The following SOX5 variants were observed in gnomAD, a reference collection of about 807,000 sequenced individuals.
The protein encoded by SOX5 is transcription factor SOX-5.
Under a neutral mutation model 92.0 loss-of-function variants are expected in SOX5, and 9 were observed. The observed-to-expected ratio is 0.10, with a 90% confidence interval of 0.06 to 0.17. The LOEUF (loss-of-function observed/expected upper bound fraction) is 0.17, where lower values mean the gene tolerates loss of function less well. Ranked by LOEUF, SOX5 falls within the 10% of genes least tolerant of loss-of-function variation. The pLI is 1.00. For missense variants in SOX5, 642 were observed against 944.5 expected, an observed-to-expected ratio of 0.68 and a Z score of 4.20; for synonymous variants, 344 against 336.3, an observed-to-expected ratio of 1.02 and a Z score of -0.25.
In SOX5 at chr12:23,987,522, G is replaced by A. The variant is rs141249489; in HGVS notation, c.-1-91498C>T. Among the ~76,000 whole-genome samples, 1,254 of 152,338 alleles carry A rather than the reference G, an allele frequency of 8.2e-3. 7 individuals are homozygous for A. The highest frequency in any genetic ancestry group is 0.012 in the Non-Finnish European group (818 of 68,034). On this transcript the variant is annotated intron_variant, in intron 4 of 4. Coordinates refer to the SOX5 transcript ENST00000446891. ...ACTCCATCATGAAGAGCTGGGTGTG[G>A]TGGTTCACCCCTACAATCCTAGCAC...
intron 9 of SOX5, among the ~76,000 whole-genome samples, chr12:23,578,165 T>C (rs924120206): frequency 8.9e-6 from 1 of 111,888 alleles, no homozygotes; most frequent in Non-Finnish European, 1.9e-5. Flanking sequence ...AGGGGCAATA[T>C]TATCCCTAAT....
chr12:23,789,408 C>A (rs1043259112), intron 3 of SOX5, among the ~76,000 whole-genome samples: 1 of 152,002 alleles, frequency 6.6e-6, no homozygotes, highest in Non-Finnish European at 1.5e-5. Context: ...TGGAAATCTT[C>A]CTTTTCTAAT....
At chr12:24,368,816 A>G (rs1252323355) in intron 1 of SOX5, among the ~76,000 whole-genome samples, 1 of 152,196 alleles carries the variant, frequency 6.6e-6, no homozygotes, top group Non-Finnish European at 1.5e-5. Context: ...CTAAATGACA[A>G]CTTTATTCTA....
At chr12:23,869,034 G>A (rs1349556290) in intron 2 of SOX5, among the ~76,000 whole-genome samples, 4 of 152,096 alleles carry the variant, frequency 2.6e-5, no homozygotes, top group South Asian at 2.1e-4. Flanking sequence ...TATAGGCTGC[G>A]TAACTTTATG....
In SOX5 at chr12:23,589,421, A is replaced by G. The variant is rs148155154; in HGVS notation, c.1165-13583T>C. Among the ~76,000 whole-genome samples, 37 of 152,050 alleles carry G rather than the reference A, an allele frequency of 2.4e-4. No individual in the cohort carries two copies. The East Asian group carries it at 6.8e-3, about 28-fold the overall frequency. ...CACAGTAAACAAACTCATGGAGGTA[A>G]TGCATAAAACAGACTGCCAATTAAT... On this transcript the variant is annotated intron_variant, in intron 9 of 14. Transcript: ENST00000451604.
Position 23,532,561 on chromosome 12 carries a change from C to CTCTT in SOX5, c.*1654_*1657dup, listed in dbSNP as rs1939321441. On this transcript the variant is annotated 3_prime_UTR_variant, in exon 15 of 15. Transcript: ENST00000451604. ...GCAGTCCCATCACATTCAGTTGTTG[C>CTCTT]TCTTTGCAAATACTCTGCTTGAACC... 2 of 152,386 alleles carry CTCTT rather than the reference C, an allele frequency of 1.3e-5. No homozygotes were observed. The highest frequency in any genetic ancestry group is 1.9e-4 in the East Asian group (1 of 5,180). 9.4% of individuals were successfully genotyped at this position (152,386 alleles called of 1,614,324 possible).
rs773552826 is a variant in SOX5 at position 23,765,217 on chromosome 12, A to G, written c.482-9493T>C. ...TTTGGTCTCTTATAACCTTTCATGTATTTTGTATTTTTGTCATTCTCAGAG... is the reference window on the plus strand; with the variant it reads ...TTTGGTCTCTTATAACCTTTCATGTGTTTTGTATTTTTGTCATTCTCAGAG... On this transcript the variant is annotated intron_variant, in intron 3 of 14. Transcript: ENST00000451604. Among the ~76,000 whole-genome samples, 5 of 151,732 alleles carry G rather than the reference A, an allele frequency of 3.3e-5. No homozygotes were observed. In the South Asian group the frequency reaches 1.0e-3, roughly 31 times the overall value.
chr12:23,783,943 G>T (rs888959397), intron 3 of SOX5, among the ~76,000 whole-genome samples: 1 of 152,078 alleles, frequency 6.6e-6, no homozygotes, highest in African/African-American at 2.4e-5. Flanking sequence ...TTATCACCTG[G>T]AGGATTGTTA....
chr12:24,414,179 C>T (rs1212093744), intron 1 of SOX5, among the ~76,000 whole-genome samples: 1 of 152,144 alleles, frequency 6.6e-6, no homozygotes, highest in Non-Finnish European at 1.5e-5. Flanking sequence ...TTTTACTCAT[C>T]TCTTTTCTCT....
At chr12:23,536,243 T>C (rs1391748853) in intron 14 of SOX5, among the ~76,000 whole-genome samples, 1 of 152,176 alleles carries the variant, frequency 6.6e-6, no homozygotes, top group African/African-American at 2.4e-5. Context: ...AACCAGTTGT[T>C]AACAAATCTC....
At chr12:23,938,996 A>G (rs1425363897) in intron 1 of SOX5, among the ~76,000 whole-genome samples, 3 of 151,172 alleles carry the variant, frequency 2.0e-5, no homozygotes, top group African/African-American at 7.3e-5. Flanking sequence ...ACCTAGTTTT[A>G]AAAATCTGAA....
intron 4 of SOX5, among the ~76,000 whole-genome samples, chr12:24,204,404 C>T (rs12307077): frequency 0.014 from 2,193 of 152,068 alleles, 51 homozygotes; most frequent in African/African-American, 0.05. Flanking sequence ...TTCCGGCTCA[C>T]TGCAACCTCC....
intron 1 of SOX5, among the ~76,000 whole-genome samples, chr12:23,930,855 C>T (rs1193207460): frequency 6.6e-6 from 1 of 151,652 alleles, no homozygotes; most frequent in Non-Finnish European, 1.5e-5. Context: ...GAAAATGTAT[C>T]ATTCTTTGCT....
chr12:23,964,632 C>T (rs1947332987), intron 4 of SOX5, among the ~76,000 whole-genome samples: 1 of 152,110 alleles, frequency 6.6e-6, no homozygotes, highest in South Asian at 2.1e-4. Flanking sequence ...TTGTTTGCCT[C>T]GTGCTTTATT....
intron 6 of SOX5, among the ~76,000 whole-genome samples, chr12:23,678,723 C>T (rs1019889886): frequency 7.1e-6 from 1 of 140,132 alleles, no homozygotes; most frequent in Admixed American, 7.6e-5. Flanking sequence ...TTTTCATCAC[C>T]CCTATTTTAC....
intron 4 of SOX5, among the ~76,000 whole-genome samples, chr12:24,014,445 A>G (rs1226965692): frequency 6.6e-6 from 1 of 152,164 alleles, no homozygotes; most frequent in Non-Finnish European, 1.5e-5. Context: ...CTCCATCCTC[A>G]GCCCTTTCTC....
chr12:24,298,183 C>G (rs1947510636), intron 2 of SOX5, among the ~76,000 whole-genome samples: 1 of 152,166 alleles, frequency 6.6e-6, no homozygotes, highest in Non-Finnish European at 1.5e-5. Context: ...CCTCCCACCT[C>G]AGCCTCCCCA....
In SOX5 at chr12:23,977,069, GT is replaced by G. The variant is rs752359980; in HGVS notation, c.-1-81046del. Among the ~76,000 whole-genome samples the G allele has an allele frequency of 1.4e-4, 22 of 152,180 alleles. No individual in the cohort carries two copies. In the South Asian group the frequency reaches 1.5e-3, roughly 10 times the overall value. ...ATTATCCTTATGGAAATATCATTAAGTTCATACTTAGATAAAAACTACTTCG... is the reference window on the plus strand; with the variant it reads ...ATTATCCTTATGGAAATATCATTAAGTCATACTTAGATAAAAACTACTTCG... On this transcript the variant is annotated intron_variant, in intron 4 of 4. Transcript: ENST00000446891.
intron 1 of SOX5, among the ~76,000 whole-genome samples, chr12:23,898,597 T>G (rs189079303): frequency 6.6e-6 from 1 of 152,248 alleles, no homozygotes; most frequent in East Asian, 1.9e-4. Context: ...AAGACATTGA[T>G]AGTTTTATCA....
Sources: allele counts gnomAD v4.1 joint callset (sites outside exome capture counted in the v4.1 genomes callset), GRCh38; gene constraint gnomAD v4.1.1; transcripts MANE v1.5; gene names NCBI Gene and HGNC (gene_info 2026-07-23, HGNC 2026-07-21).